The following SRRT variants were observed in gnomAD, a reference collection of about 807,000 sequenced individuals.
SRRT encodes serrate, RNA effector molecule, also known as serrate RNA effector molecule homolog.
SRRT carries 32 observed loss-of-function variants against 103.2 expected under a neutral mutation model. The observed-to-expected ratio is 0.31, with a 90% CI of 0.23 to 0.42. The LOEUF (loss-of-function observed/expected upper bound fraction) is 0.42. Ranked by LOEUF, SRRT falls within the 10% of genes least tolerant of loss-of-function variation. SRRT has a pLI of 1.00. For synonymous variants in SRRT, 525 were observed against 449.0 expected (o/e 1.17, Z -2.14); for missense variants, 986 against 1,207.5 (o/e 0.82, Z 2.72).
chr7:100,885,915 ATC>A lies in SRRT; in HGVS notation c.1434_1435del (p.Ile478MetfsTer13). On this transcript the variant is annotated frameshift_variant, in exon 12 of 20. Coordinates refer to ENST00000611405, the MANE Select transcript of SRRT (RefSeq NM_015908.6). LOFTEE classifies it high-confidence loss of function. This position sits in a 1 kb window ranked among gnomAD's most constrained non-coding sequence, Gnocchi z 4.8. ...CGACCGCAGTGTTAACATTAAAGAG[ATC>A]TGTTGGAACCTGCAGAACATCCGTG... ...TFDRSVNIKE[I>X]CWNLQNIRLR... The A allele has an allele frequency of 6.2e-7, 1 of 1,613,876 alleles. No individual in the cohort carries two copies. The highest frequency in any genetic ancestry group is 8.5e-7 in the Non-Finnish European group (1 of 1,179,992).
rs199830208 is a variant in SRRT at position 100,887,667 on chromosome 7, T to C, written c.2170-36T>C. The C allele has an allele frequency of 7.9e-4, 1,260 of 1,593,502 alleles. 1 individual carries two copies. Among genetic ancestry groups the C allele is most frequent in the Non-Finnish European group, 1.0e-3 (1,193 of 1,164,908 alleles). On this transcript the variant is annotated intron_variant, in intron 16 of 19. Coordinates refer to ENST00000611405, the MANE Select transcript of SRRT (RefSeq NM_015908.6). This position sits in a 1 kb window ranked among gnomAD's most constrained non-coding sequence, Gnocchi z 4.1. ...GGGCCTGGGAGCGAGGCAACCCTTATGTGGCTGTCCTGACCCCTCTCCTCT... is the reference window on the plus strand; with the variant it reads ...GGGCCTGGGAGCGAGGCAACCCTTACGTGGCTGTCCTGACCCCTCTCCTCT...
chr7:100,888,551 C>T lies in SRRT; in HGVS notation c.*2C>T, dbSNP rs1156473672. ...CCAGACGATGTTGATTTCTTTTGAGCCGTCCCCCGTTCCTCAGTCCTGTAT... is the reference window on the plus strand; with the variant it reads ...CCAGACGATGTTGATTTCTTTTGAGTCGTCCCCCGTTCCTCAGTCCTGTAT... On this transcript the variant is annotated 3_prime_UTR_variant, in exon 20 of 20. Coordinates refer to ENST00000611405, the MANE Select transcript of SRRT (RefSeq NM_015908.6). The T allele has an allele frequency of 3.7e-6, 6 of 1,614,000 alleles. No homozygotes were observed. The highest frequency in any genetic ancestry group is 1.3e-5 in the African/African-American group (1 of 74,900).
At position 100,887,848 on chromosome 7, in the gene SRRT, G is replaced by T; in HGVS notation, c.2315G>T (p.Gly772Val). The T allele has an allele frequency of 6.2e-7, 1 of 1,604,348 alleles. No individual in the cohort carries two copies. Among genetic ancestry groups the T allele is most frequent in the Non-Finnish European group, 8.5e-7 (1 of 1,171,872 alleles). ...LPEIKPAQPP[G>V]PAQILPPGLT... ...GAGATCAAGCCAGCCCAGCCACCTG[G>T]CCCCGCCCAGAGTAAGATACGATCC... Residue 772 changes from glycine (G) to valine (V), a missense_variant, in exon 17 of 20, where the codon GGC becomes GTC. By Grantham distance (109) the Gly-to-Val change is moderately radical. This residue lies in a region of SRRT where 178 missense variants were observed against 189.6 expected (regional missense o/e 0.94). Transcript: ENST00000611405. This position sits in a 1 kb window ranked among gnomAD's most constrained non-coding sequence, Gnocchi z 4.1.
At position 100,887,158 on chromosome 7, in the gene SRRT, G is replaced by A. The variant is rs150212900; in HGVS notation, c.1933G>A (p.Val645Ile). 1.6e-5 allele frequency: 26 copies of A among 1,614,072 alleles called. No homozygotes were observed. The highest frequency in any genetic ancestry group is 2.2e-5 in the East Asian group (1 of 44,896). The change falls in exon 15 of 20, where the codon GTT becomes ATT. Residue 645 changes from valine to isoleucine, a missense_variant. Val to Ile is a conservative substitution (Grantham distance 29). Transcript: ENST00000611405. This position sits in a 1 kb window ranked among gnomAD's most constrained non-coding sequence, Gnocchi z 4.1. ...GCCCAATCGCTGTGGGATCATCCACGTTCGGGGGCCCATGCCACCCAACCG... is the reference window on the plus strand; with the variant it reads ...GCCCAATCGCTGTGGGATCATCCACATTCGGGGGCCCATGCCACCCAACCG... The part of the protein sequence containing the change: ...EMPNRCGIIH[V>I]RGPMPPNRIS...
In SRRT at chr7:100,887,373, C is replaced by T. The variant is rs1385354510; in HGVS notation, c.2029C>T (p.Arg677Trp). 1.1e-5 allele frequency: 18 copies of T among 1,613,988 alleles called. No homozygotes were observed. Among genetic ancestry groups the T allele is most frequent in the African/African-American group, 2.7e-5 (2 of 74,902 alleles). The change falls in exon 16 of 20, where the codon CGG becomes TGG. Residue 677 changes from arginine to tryptophan, a missense_variant. By Grantham distance (101) the Arg-to-Trp change is moderately radical (BLOSUM62 -3). Transcript: ENST00000611405. The surrounding 1 kb of genome is among the most constrained non-coding windows in gnomAD (Gnocchi z 4.1). ...GAAGCTCACGCCGTTGCTGAGTGTG[C>T]GGGAGTCACTCTCAGAGGAAGAGGC... is the stretch of plus-strand genomic sequence containing the variant. ...EEKLTPLLSV[R>W]ESLSEEEAQK...
chr7:100,885,081 C>G lies in SRRT; in HGVS notation c.1159+41C>G, dbSNP rs184863977. The G allele has an allele frequency of 6.2e-7, 1 of 1,608,800 alleles. No homozygotes were observed. Among genetic ancestry groups the G allele is most frequent in the Non-Finnish European group, 8.5e-7 (1 of 1,177,594 alleles). ...TGCTTTAAAGTGCGTTCTCCTAATG[C>G]GGGTGGGGAGGTGAGAGGTTGGCGA... is the stretch of plus-strand genomic sequence containing the variant. On this transcript the variant is annotated intron_variant, in intron 9 of 19. Transcript: ENST00000611405. This position sits in a 1 kb window ranked among gnomAD's most constrained non-coding sequence, Gnocchi z 4.8.
chr7:100,884,342 A>G lies in SRRT; in HGVS notation c.758-26A>G, dbSNP rs376926696. On this transcript the variant is annotated intron_variant, in intron 6 of 19. Transcript: ENST00000611405. ...TGACAGGAGCCAGGGCCCTGGGGTCATGACCTCTGTTCCCTTTGTTGGTAG... is the reference window on the plus strand; with the variant it reads ...TGACAGGAGCCAGGGCCCTGGGGTCGTGACCTCTGTTCCCTTTGTTGGTAG... 4.4e-5 allele frequency: 71 copies of G among 1,612,490 alleles called. No homozygotes were observed. In the African/African-American group the frequency reaches 9.1e-4, roughly 21 times the overall value.
rs112883283 is a variant in SRRT at position 100,875,172 on chromosome 7, C to G, written c.-175C>G. On this transcript the variant is annotated 5_prime_UTR_variant, in exon 1 of 20. Transcript: ENST00000611405. ...GGCTGCGCGCGCTACTGCCCATCCC[C>G]GGTTGTCCCACTTTTGTTCGCCTCT... 4.3e-4 allele frequency: 77 copies of G among 177,980 alleles called. 1 individual carries two copies. Among genetic ancestry groups the G allele is most frequent in the African/African-American group, 1.7e-3 (70 of 41,820 alleles). The allele number at this position is 177,980 out of a possible 1,614,324, so 11.0% of individuals were successfully genotyped here.
Position 100,887,637 on chromosome 7 carries a change from AGCTCGG to A in SRRT, c.2170-63_2170-58del, listed in dbSNP as rs1240711319. ...GCAGGCGGGAGCTGGGAATCCTTCC[AGCTCGG>A]GCCTGGGAGCGAGGCAACCCTTATG... On this transcript the variant is annotated intron_variant, in intron 16 of 19. Transcript: ENST00000611405. This position sits in a 1 kb window ranked among gnomAD's most constrained non-coding sequence, Gnocchi z 4.1. 6.3e-7 allele frequency: 1 copy of A among 1,579,054 alleles called. No individual in the cohort carries two copies. Among genetic ancestry groups the A allele is most frequent in the Non-Finnish European group, 8.6e-7 (1 of 1,158,094 alleles).
At chr7:100,879,984 T>G (rs568477629) in intron 2 of SRRT, among the ~76,000 whole-genome samples, 1 of 152,064 alleles carries the variant, frequency 6.6e-6, no homozygotes, top group African/African-American at 2.4e-5. Context: ...CGGTGTGATG[T>G]GATGAGACTT....
At chr7:100,884,717 C>A (rs759248839) in intron 7 of SRRT, 23 bp from the exon 8 acceptor site, 1 of 1,608,928 alleles carries the variant, frequency 6.2e-7, no homozygotes, top group South Asian at 1.1e-5. Flanking sequence ...TTTGACATCC[C>A]CAGTGGTTGT....
In SRRT at chr7:100,875,169, C is replaced by T. The variant is rs190483545; in HGVS notation, c.-178C>T. On this transcript the variant is annotated 5_prime_UTR_variant, in exon 1 of 20. Coordinates refer to ENST00000611405, the MANE Select transcript of SRRT (RefSeq NM_015908.6). The stretch of plus-strand genomic sequence containing the variant: ...GCGGGCTGCGCGCGCTACTGCCCAT[C>T]CCCGGTTGTCCCACTTTTGTTCGCC... The T allele has an allele frequency of 1.9e-3, 328 of 176,102 alleles. 2 individuals carry two copies. Among genetic ancestry groups the T allele is most frequent in the Non-Finnish European group, 3.2e-3 (264 of 81,998 alleles). The allele number at this position is 176,102 out of a possible 1,614,324, so 10.9% of individuals were successfully genotyped here.
chr7:100,886,566 G>A (rs540562945), intron 13 of SRRT, 131 bp downstream of exon 13: 4 of 1,061,632 alleles, frequency 3.8e-6, no homozygotes, highest in South Asian at 3.1e-5. Flanking sequence ...GCCCCTTCGT[G>A]TGTGGGTAGC....
At chr7:100,876,357 G>T (rs1001949384) in intron 2 of SRRT, among the ~76,000 whole-genome samples, 1 of 152,134 alleles carries the variant, frequency 6.6e-6, no homozygotes, top group Non-Finnish European at 1.5e-5. Flanking sequence ...TCACCATGTT[G>T]GCTAGGCTGG....
intron 2 of SRRT, among the ~76,000 whole-genome samples, chr7:100,880,106 GGT>G (rs1405235260): frequency 2.0e-5 from 3 of 152,238 alleles, no homozygotes; most frequent in Admixed American, 6.5e-5. Flanking sequence ...ACTAGGACAG[GGT>G]GTGTGGGGAT....
chr7:100,881,320 G>T lies in SRRT; in HGVS notation c.158G>T (p.Gly53Val). The part of the protein sequence containing the change: ...WDRGRERRSR[G>V]EYRDYDRNRR... ...CGTGGCCGTGAGCGCCGTAGTCGGG[G>T]TGAATATCGGGACTATGACCGGAAT... Residue 53 changes from glycine (G) to valine (V), a missense_variant, in exon 3 of 20, where the codon GGT (glycine) becomes GTT (valine). Physicochemically the swap from Gly to Val is moderately radical, Grantham distance 109 (BLOSUM62 -3). Around this residue, in one of 6 missense-constraint regions of SRRT, gnomAD observed 274 missense variants for 358.5 expected, o/e 0.76. Transcript: ENST00000611405. The T allele has an allele frequency of 3.1e-6, 5 of 1,613,670 alleles. No individual in the cohort carries two copies. The highest frequency in any genetic ancestry group is 4.2e-6 in the Non-Finnish European group (5 of 1,179,764).
chr7:100,888,573 GT>G lies in SRRT; in HGVS notation c.*25del. 6.2e-7 allele frequency: 1 copy of G among 1,613,776 alleles called. No homozygotes were observed. The highest frequency in any genetic ancestry group is 8.5e-7 in the Non-Finnish European group (1 of 1,179,674). The stretch of plus-strand genomic sequence containing the variant: ...GAGCCGTCCCCCGTTCCTCAGTCCT[GT>G]ATCATCCATACTTGTACTACCTTGT... On this transcript the variant is annotated 3_prime_UTR_variant, in exon 20 of 20. Transcript: ENST00000611405.
rs1790249283 is a variant in SRRT at position 100,887,490 on chromosome 7, C to T, written c.2146C>T (p.Pro716Ser). 1 of 1,613,962 alleles carries T rather than the reference C, an allele frequency of 6.2e-7. No individual in the cohort carries two copies. Among genetic ancestry groups the T allele is most frequent in the Non-Finnish European group, 8.5e-7 (1 of 1,180,018 alleles). ...ACTGGGCAAGGATAAGTGGCTGTGT[C>T]CTCTCAGTGGCAAGAAATTCAAGGT... The part of the protein sequence containing the change: ...QELGKDKWLC[P>S]LSGKKFKGPE... The change falls in exon 16 of 20, where the codon CCT (proline) becomes TCT (serine). Residue 716 changes from proline (P) to serine (S), a missense_variant. By Grantham distance (74) the Pro-to-Ser change is moderately conservative. Transcript: ENST00000611405. The surrounding 1 kb of genome is among the most constrained non-coding windows in gnomAD (Gnocchi z 4.1).
rs769489510 is a variant in SRRT, at chr7:100,887,729, C to T, written c.2196C>T (p.Ile732=). The part of the protein sequence containing the change: ...FKGPEFVRKH[I]FNKHAEKIEE... ...GTCCTGAGTTTGTGCGCAAACATAT[C>T]TTCAACAAGCATGCAGAGAAAATTG... is the stretch of plus-strand genomic sequence containing the variant. The change falls in exon 17 of 20, where the codon ATC becomes ATT. Residue 732 remains isoleucine, a synonymous_variant. Coordinates refer to ENST00000611405, the MANE Select transcript of SRRT (RefSeq NM_015908.6). The surrounding 1 kb of genome is among the most constrained non-coding windows in gnomAD (Gnocchi z 4.1). 2.5e-6 allele frequency: 4 copies of T among 1,612,588 alleles called. No homozygotes were observed. The highest frequency in any genetic ancestry group is 3.4e-6 in the Non-Finnish European group (4 of 1,178,688).
Sources: gnomAD v4.1 joint callset for allele counts (sites outside exome capture counted in the v4.1 genomes callset) on GRCh38, gnomAD v4.1.1 for gene constraint, gnomAD v4.1.1 regional missense constraint, Gnocchi (gnomAD v3.1) non-coding constraint, MANE v1.5 for transcripts, NCBI Gene and HGNC (gene_info 2026-07-23, HGNC 2026-07-21) for gene names.